SLC38A9: variants seen among roughly 807,000 people sequenced by gnomAD.
SLC38A9 encodes neutral amino acid transporter 9.
Under a neutral mutation model 62.3 loss-of-function variants are expected in SLC38A9, and 48 were observed. The ratio of observed to expected loss-of-function variants is 0.77; its 90% CI spans 0.61 to 0.98. The LOEUF (loss-of-function observed/expected upper bound fraction) is 0.98. Ranked by LOEUF, SLC38A9 falls within the 50% of genes least tolerant of loss-of-function variation. The pLI is 0.00. For missense variants in SLC38A9, 541 were observed against 679.8 expected, an observed-to-expected ratio of 0.80 and a Z score of 2.27; for synonymous variants, 204 against 227.7, an observed-to-expected ratio of 0.90 and a Z score of 0.94.
At chr5:55,689,185 C>T (rs970013251) in intron 3 of SLC38A9, among the ~76,000 whole-genome samples, 1 of 152,082 alleles carries the variant, frequency 6.6e-6, no homozygotes, top group South Asian at 2.1e-4. Flanking sequence ...GCAAATGAAC[C>T]AGGGCTTTTT....
chr5:55,697,868 G>A lies in SLC38A9; in HGVS notation c.91C>T (p.Pro31Ser). The change falls in exon 3 of 16, where the codon CCA becomes TCA. Residue 31 changes from proline (P) to serine (S), a missense_variant. Physicochemically the swap from Pro to Ser is moderately conservative, Grantham distance 74. Transcript: ENST00000396865. ...TACCTTTTGGATCTTAGATCCGATG[G>A]CTCAAACTGGATATTCATAGGTCCA... ...DPGPMNIQFE[P>S]SDLRSKRPFC... 1.3e-6 allele frequency: 2 copies of A among 1,586,334 alleles called. No homozygotes were observed. The highest frequency in any genetic ancestry group is 1.7e-6 in the Non-Finnish European group (2 of 1,168,378).
chr5:55,654,288 A>G (rs1234289578), intron 9 of SLC38A9, among the ~76,000 whole-genome samples: 1 of 152,188 alleles, frequency 6.6e-6, no homozygotes, highest in African/African-American at 2.4e-5. Context: ...CGCTCTAGAC[A>G]GAAATTTTCT....
intron 3 of SLC38A9, among the ~76,000 whole-genome samples, chr5:55,675,835 T>C (rs1051941053): frequency 2.0e-5 from 3 of 152,182 alleles, no homozygotes; most frequent in Non-Finnish European, 4.4e-5. Flanking sequence ...TTCCACTCCT[T>C]AAATTCCTTA....
At chr5:55,704,686 G>C (rs1757074533) in intron 2 of SLC38A9, among the ~76,000 whole-genome samples, 1 of 152,178 alleles carries the variant, frequency 6.6e-6, no homozygotes, top group Admixed American at 6.5e-5. Flanking sequence ...ATGCATAAAA[G>C]CACTTTCAGA....
intron 8 of SLC38A9, 95 bp from the exon 9 acceptor site, chr5:55,656,869 TTC>T (rs1491191546): frequency 4.9e-6 from 3 of 612,464 alleles, no homozygotes; most frequent in Admixed American, 3.9e-5. Context: ...TCTTTTTTTT[TTC>T]TTTCTTTGAG....
chr5:55,649,113 A>G, intron 11 of SLC38A9, 94 bp downstream of exon 11: 3 of 567,178 alleles, frequency 5.3e-6, no homozygotes, highest in Non-Finnish European at 8.3e-6. Flanking sequence ...AAAAATGCTC[A>G]GCATAAAAAA....
chr5:55,650,061 A>C (rs1315483305), intron 10 of SLC38A9, among the ~76,000 whole-genome samples: 1 of 152,102 alleles, frequency 6.6e-6, no homozygotes, highest in Non-Finnish European at 1.5e-5. Flanking sequence ...AGATGGTAAG[A>C]GGGTAAAGAA....
chr5:55,670,469 A>G (rs146708164), intron 4 of SLC38A9, among the ~76,000 whole-genome samples: 189 of 152,362 alleles, frequency 1.2e-3, no homozygotes, highest in African/African-American at 4.4e-3. Context: ...TTTTTCAAAT[A>G]TAGAAAATCT....
intron 14 of SLC38A9, among the ~76,000 whole-genome samples, chr5:55,630,303 G>A (rs553798536): frequency 1.0e-3 from 157 of 152,056 alleles, no homozygotes; most frequent in South Asian, 1.9e-3. Flanking sequence ...TAAATTAAAG[G>A]GTTTTTTTGT....
chr5:55,709,926 G>A (rs939402191), intron 2 of SLC38A9, among the ~76,000 whole-genome samples: 5 of 151,410 alleles, frequency 3.3e-5, no homozygotes, highest in Non-Finnish European at 5.9e-5. Flanking sequence ...AAAATTAGCC[G>A]GGTATGGTGG....
chr5:55,666,176 T>C (rs977175211), intron 7 of SLC38A9, among the ~76,000 whole-genome samples: 1 of 152,116 alleles, frequency 6.6e-6, no homozygotes, highest in Non-Finnish European at 1.5e-5. Flanking sequence ...TACAATATGA[T>C]TAACTTTAAA....
intron 12 of SLC38A9, 127 bp from the exon 13 acceptor site, chr5:55,635,784 T>G (rs558518547): frequency 6.7e-6 from 4 of 599,244 alleles, no homozygotes; most frequent in Non-Finnish European, 1.2e-5. Flanking sequence ...GTGTATATAC[T>G]TCTAGATATT....
chr5:55,628,832 T>C (rs1580051800), intron 14 of SLC38A9, among the ~76,000 whole-genome samples: 2 of 152,286 alleles, frequency 1.3e-5, no homozygotes, highest in East Asian at 3.9e-4. Context: ...AAAAATAATG[T>C]AGATGAAAAT....
chr5:55,650,103 T>A (rs139424108), intron 10 of SLC38A9, among the ~76,000 whole-genome samples: 116 of 152,074 alleles, frequency 7.6e-4, no homozygotes, highest in Middle Eastern at 3.4e-3. Flanking sequence ...CAAAAGCATA[T>A]TTGAGAAAGG....
At chr5:55,689,615 C>T (rs150347084) in intron 3 of SLC38A9, among the ~76,000 whole-genome samples, 17 of 152,160 alleles carry the variant, frequency 1.1e-4, no homozygotes, top group African/African-American at 3.9e-4. Flanking sequence ...GAGAACAATG[C>T]TAGCCCAACC....
intron 3 of SLC38A9, among the ~76,000 whole-genome samples, chr5:55,683,451 T>C (rs1232459394): frequency 6.6e-6 from 1 of 152,230 alleles, no homozygotes; most frequent in Non-Finnish European, 1.5e-5. Context: ...TGCCATATTT[T>C]CGGAATAACT....
chr5:55,701,572 T>C (rs1474114937), intron 2 of SLC38A9, among the ~76,000 whole-genome samples: 1 of 152,216 alleles, frequency 6.6e-6, no homozygotes, highest in Non-Finnish European at 1.5e-5. Context: ...TCCCTGCTTC[T>C]ATCCTTATCC....
At chr5:55,705,559 G>A (rs1757187398) in intron 2 of SLC38A9, among the ~76,000 whole-genome samples, 1 of 152,132 alleles carries the variant, frequency 6.6e-6, no homozygotes, top group South Asian at 2.1e-4. Flanking sequence ...AGGTCACTTT[G>A]ATTCTAAATG....
At chr5:55,641,753 TAC>T (rs1745476479) in intron 12 of SLC38A9, among the ~76,000 whole-genome samples, 1 of 152,248 alleles carries the variant, frequency 6.6e-6, no homozygotes, top group Non-Finnish European at 1.5e-5. Context: ...GTGAAAAACA[TAC>T]ACAGTGACCA....
Sources: gnomAD v4.1 joint callset for allele counts (sites outside exome capture counted in the v4.1 genomes callset) on GRCh38, gnomAD v4.1.1 for gene constraint, MANE v1.5 for transcripts, NCBI Gene and HGNC (gene_info 2026-07-23, HGNC 2026-07-21) for gene names.